The following CELF2 variants were observed in gnomAD, a reference collection of about 807,000 sequenced individuals.
CELF2 encodes the protein CUG triplet repeat RNA-binding protein 2.
Under a neutral mutation model 62.6 loss-of-function variants are expected in CELF2, and 8 were observed. The observed-to-expected ratio is 0.13, with a 90% CI of 0.07 to 0.23. The LOEUF is 0.23. CELF2 is among the 10% of genes least tolerant of loss of function. The pLI, the probability that CELF2 is intolerant of heterozygous loss-of-function variation, is 1.00. For synonymous variants in CELF2, 258 were observed against 250.0 expected (o/e 1.03, Z -0.30); for missense variants, 333 against 671.0 (o/e 0.50, Z 5.56).
the CELF2 span, among the ~76,000 whole-genome samples, chr10:10,662,479 C>G: frequency 6.6e-6 from 1 of 152,080 alleles, no homozygotes; most frequent in Non-Finnish European, 1.5e-5. Flanking sequence ...TGGCCTGATT[C>G]CCTGTAGTGG....
chr10:11,295,656 C>T (rs1424742489), intron 9 of CELF2, among the ~76,000 whole-genome samples: 5 of 152,156 alleles, frequency 3.3e-5, no homozygotes, highest in Admixed American at 2.0e-4. Flanking sequence ...CCCTGCTGCT[C>T]GGGCTGCTCT....
intron 1 of CELF2, among the ~76,000 whole-genome samples, chr10:11,079,240 A>C (rs2073168377): frequency 1.3e-5 from 2 of 152,184 alleles, no homozygotes; most frequent in African/African-American, 2.4e-5. Flanking sequence ...TACTTACCTG[A>C]ACTAAAGTCC....
intron 1 of CELF2, among the ~76,000 whole-genome samples, chr10:10,905,524 A>T (rs2063261673): frequency 6.6e-6 from 1 of 150,852 alleles, no homozygotes; most frequent in Non-Finnish European, 1.5e-5. Flanking sequence ...TAGGAGGTTC[A>T]CTTGAGGCCA....
At chr10:10,920,452 T>C (rs2064785075) in intron 2 of CELF2, among the ~76,000 whole-genome samples, 1 of 152,222 alleles carries the variant, frequency 6.6e-6, no homozygotes, top group Non-Finnish European at 1.5e-5. Context: ...CATCATAGTA[T>C]TGATAGTATA....
At chr10:10,795,221 T>C, upstream of CELF2, among the ~76,000 whole-genome samples, 1 of 150,358 alleles carries the variant, frequency 6.7e-6, no homozygotes, top group East Asian at 2.0e-4. Context: ...TCACGAATGT[T>C]GCATTATATG....
chr10:11,134,544 C>T (rs1478313684), intron 1 of CELF2, among the ~76,000 whole-genome samples: 3 of 152,172 alleles, frequency 2.0e-5, no homozygotes, highest in African/African-American at 2.4e-5. Flanking sequence ...TTGTCCTCGG[C>T]GGTGCCCATA....
chr10:10,847,129 A>G (rs2059064529), intron 1 of CELF2, among the ~76,000 whole-genome samples: 1 of 151,942 alleles, frequency 6.6e-6, no homozygotes, highest in African/African-American at 2.4e-5. Context: ...ACACAAAATT[A>G]GATATAGTAA....
At chr10:11,152,066 G>C (rs891625440) in intron 1 of CELF2, among the ~76,000 whole-genome samples, 1 of 152,212 alleles carries the variant, frequency 6.6e-6, no homozygotes, top group African/African-American at 2.4e-5. Flanking sequence ...CCATGGCCCA[G>C]TTATATCCTA....
At position 11,288,527 on chromosome 10, in the gene CELF2, C is replaced by T. The variant is rs754054756; in HGVS notation, c.951C>T (p.Ser317=). ...CAAACCCTCTCTCTACCACGAGCAGCGCCCTGGGAGCCCTCACGAGTCCCG... is the reference window on the plus strand; with the variant it reads ...CAAACCCTCTCTCTACCACGAGCAGTGCCCTGGGAGCCCTCACGAGTCCCG... ...TNANPLSTTS[S]ALGALTSPVA... The change falls in exon 9 of 13, where the codon AGC becomes AGT. Residue 317 remains serine, a synonymous_variant. Transcript: ENST00000633077. 81 of 1,613,914 alleles carry T rather than the reference C, an allele frequency of 5.0e-5. No homozygotes were observed. The East Asian group carries it at 1.1e-3, about 23-fold the overall frequency.
the CELF2 span, among the ~76,000 whole-genome samples, chr10:10,554,533 ATCAG>A: frequency 2.0e-5 from 3 of 152,092 alleles, no homozygotes; most frequent in Non-Finnish European, 4.4e-5. Flanking sequence ...TTCTTTTTGT[ATCAG>A]TCAGTTTGCA....
chr10:11,150,842 A>G (rs1358739493), intron 1 of CELF2, among the ~76,000 whole-genome samples: 1 of 152,252 alleles, frequency 6.6e-6, no homozygotes, highest in Non-Finnish European at 1.5e-5. Context: ...TTGGAGCCCC[A>G]GTCTAGACCT....
the CELF2 span, among the ~76,000 whole-genome samples, chr10:10,500,254 G>A: frequency 0.27 from 41,332 of 152,012 alleles, 5,988 homozygotes; most frequent in East Asian, 0.4. Flanking sequence ...TTCACATATA[G>A]TTACAAGAAA....
the CELF2 span, among the ~76,000 whole-genome samples, chr10:10,582,196 C>T: frequency 9.9e-5 from 15 of 152,234 alleles, no homozygotes; most frequent in African/African-American, 3.4e-4. Flanking sequence ...TATACTGGCC[C>T]GCACTTGTGA....
At chr10:10,895,495 C>T (rs966202607) in intron 1 of CELF2, among the ~76,000 whole-genome samples, 4 of 151,962 alleles carry the variant, frequency 2.6e-5, no homozygotes, top group Non-Finnish European at 5.9e-5. Flanking sequence ...AACTATGAAA[C>T]AAAGAAGGAC....
Position 11,012,606 on chromosome 10 carries a change from C to T in CELF2, c.53+7166C>T, listed in dbSNP as rs145429519. Among the ~76,000 whole-genome samples the T allele has an allele frequency of 1.1e-4, 17 of 152,276 alleles. No individual in the cohort carries two copies. The highest frequency in any genetic ancestry group is 3.4e-3 in the Middle Eastern group (1 of 294). On this transcript the variant is annotated intron_variant, in intron 1 of 12. Coordinates refer to the CELF2 transcript ENST00000416382. This position sits in a 1 kb window ranked among gnomAD's most constrained non-coding sequence, Gnocchi z 5.5. ...TGCAACTGTGTCCTCCCAGCTGTTG[C>T]TGTTCAGCTGTTGTAGTCTGTCAAG...
At chr10:10,870,439 A>T (rs1011999681) in intron 1 of CELF2, among the ~76,000 whole-genome samples, 8 of 152,184 alleles carry the variant, frequency 5.3e-5, no homozygotes, top group Non-Finnish European at 1.2e-4. Context: ...CTAAGTCTCC[A>T]TAGCAAAGAC....
rs574759824 is a variant in CELF2 at position 11,085,823 on chromosome 10, C to T, written c.74+67660C>T. Among the ~76,000 whole-genome samples, 539 of 152,240 alleles carry T rather than the reference C, an allele frequency of 3.5e-3. 4 individuals are homozygous for T. Among genetic ancestry groups the T allele is most frequent in the Non-Finnish European group, 4.6e-3 (315 of 68,004 alleles). On this transcript the variant is annotated intron_variant, in intron 1 of 12. Coordinates refer to ENST00000633077, the MANE Select transcript of CELF2 (RefSeq NM_001326342.2). ...AACAGACTGCACCACCATTTGAATC[C>T]TGGGTCACCACTCCATTTCCAGAAA...
chr10:11,264,056 A>G (rs1170910875), intron 5 of CELF2, among the ~76,000 whole-genome samples: 1 of 152,224 alleles, frequency 6.6e-6, no homozygotes, highest in Non-Finnish European at 1.5e-5. Flanking sequence ...TTACTGCACC[A>G]CTGCCAATAG....
intron 1 of CELF2, among the ~76,000 whole-genome samples, chr10:11,063,396 A>T (rs1311558257): frequency 1.3e-5 from 2 of 152,206 alleles, no homozygotes; most frequent in Non-Finnish European, 2.9e-5. Flanking sequence ...TATCTATAAA[A>T]TCTCCACATG....
Sources: gnomAD v4.1 joint callset for allele counts (sites outside exome capture counted in the v4.1 genomes callset) on GRCh38, gnomAD v4.1.1 for gene constraint, Gnocchi (gnomAD v3.1) non-coding constraint, MANE v1.5 for transcripts, NCBI Gene and HGNC (gene_info 2026-07-23, HGNC 2026-07-21) for gene names.